TUSC3: variants seen among roughly 807,000 people sequenced by gnomAD.
The protein encoded by TUSC3 is tumor suppressor candidate 3.
TUSC3 carries 45 observed loss-of-function variants against 44.8 expected under a neutral mutation model. The observed-to-expected ratio is 1.00, with a 90% confidence interval of 0.79 to 1.29. The LOEUF (loss-of-function observed/expected upper bound fraction) is 1.29. Among genes scored for constraint, TUSC3 ranks in the 50% most tolerant of loss-of-function variants. TUSC3 has a pLI of 0.00. For synonymous variants in TUSC3, 212 were observed against 152.9 expected, an observed-to-expected ratio of 1.39 and a Z score of -2.85; for missense variants, 519 against 437.9, an observed-to-expected ratio of 1.19 and a Z score of -1.65.
chr8:15,797,119 G>A, the TUSC3 span, among the ~76,000 whole-genome samples: 1 of 152,194 alleles, frequency 6.6e-6, no homozygotes, highest in Non-Finnish European at 1.5e-5. Context: ...CTTTATCAGA[G>A]GCACAAAGTA....
intron 1 of TUSC3, among the ~76,000 whole-genome samples, chr8:15,455,612 C>A (rs1343480301): frequency 2.0e-5 from 3 of 151,938 alleles, no homozygotes; most frequent in Admixed American, 1.3e-4. Context: ...CCATTCTTAG[C>A]CTCTGGCTAT....
At chr8:15,794,053 C>T in the TUSC3 span, among the ~76,000 whole-genome samples, 2 of 152,196 alleles carry the variant, frequency 1.3e-5, no homozygotes, top group Non-Finnish European at 2.9e-5. Context: ...CTGCCATATC[C>T]TGATGCTTTT....
At chr8:15,846,667 A>G in the TUSC3 span, among the ~76,000 whole-genome samples, 1 of 152,082 alleles carries the variant, frequency 6.6e-6, no homozygotes, top group Non-Finnish European at 1.5e-5. Flanking sequence ...GGAGTTGAAC[A>G]ATGAGAACAC....
chr8:15,435,322 C>T (rs147207718), intron 1 of TUSC3, among the ~76,000 whole-genome samples: 400 of 152,236 alleles, frequency 2.6e-3, no homozygotes, highest in Non-Finnish European at 4.5e-3. Flanking sequence ...CTTTTGGCTG[C>T]ATAAATGCAA....
At chr8:15,842,286 T>G in the TUSC3 span, among the ~76,000 whole-genome samples, 1 of 152,160 alleles carries the variant, frequency 6.6e-6, no homozygotes, top group African/African-American at 2.4e-5. Context: ...GAACCTGGGT[T>G]GACTGGTCAC....
intron 1 of TUSC3, among the ~76,000 whole-genome samples, chr8:15,546,039 G>C (rs1305040836): frequency 1.3e-5 from 2 of 151,810 alleles, no homozygotes; most frequent in Non-Finnish European, 2.9e-5. Flanking sequence ...TAGGAATAAT[G>C]TGTTCCCCAG....
intron 2 of TUSC3, among the ~76,000 whole-genome samples, chr8:15,483,750 A>G (rs186563797): frequency 0.063 from 8,706 of 139,114 alleles, 274 homozygotes; most frequent in South Asian, 0.11. Context: ...CCGCCTCCCG[A>G]GTTCATGCCA....
At chr8:15,715,816 G>A (rs1450821850) in intron 6 of TUSC3, among the ~76,000 whole-genome samples, 3 of 152,024 alleles carry the variant, frequency 2.0e-5, no homozygotes, top group Non-Finnish European at 2.9e-5. Flanking sequence ...ATGATGGAAC[G>A]ATTCTCATTT....
chr8:15,713,104 A>G (rs980486479), intron 6 of TUSC3, among the ~76,000 whole-genome samples: 1 of 152,192 alleles, frequency 6.6e-6, no homozygotes, highest in East Asian at 1.9e-4. Context: ...ATAATCCACA[A>G]ATACGTTTTT....
At chr8:15,827,879 T>C in the TUSC3 span, among the ~76,000 whole-genome samples, 3 of 152,100 alleles carry the variant, frequency 2.0e-5, no homozygotes, top group African/African-American at 4.8e-5. Context: ...GGTGAATATA[T>C]GCAGGACCCA....
chr8:15,431,726 A>G (rs1463239633), intron 1 of TUSC3, among the ~76,000 whole-genome samples: 1 of 151,572 alleles, frequency 6.6e-6, no homozygotes, highest in Non-Finnish European at 1.5e-5. Context: ...AAGACTGGGC[A>G]ACTTTGTCTT....
At chr8:15,479,481 G>C (rs952870186) in intron 1 of TUSC3, among the ~76,000 whole-genome samples, 1 of 152,046 alleles carries the variant, frequency 6.6e-6, no homozygotes, top group Non-Finnish European at 1.5e-5. Context: ...GGAAGGGTTT[G>C]AGTTTCAATT....
chr8:15,672,236 A>T (rs1001739469), intron 5 of TUSC3, among the ~76,000 whole-genome samples: 2 of 152,040 alleles, frequency 1.3e-5, no homozygotes, highest in Non-Finnish European at 2.9e-5. Context: ...AATAATATTT[A>T]TTGAGCTTGT....
chr8:15,476,059 T>G (rs1261390323), intron 1 of TUSC3, among the ~76,000 whole-genome samples: 3 of 152,164 alleles, frequency 2.0e-5, no homozygotes, highest in Non-Finnish European at 4.4e-5. Context: ...TGCTCCTACT[T>G]AGAAATTTCA....
the TUSC3 span, among the ~76,000 whole-genome samples, chr8:15,840,523 T>A: frequency 6.6e-6 from 1 of 152,102 alleles, no homozygotes. Flanking sequence ...ATGAAATTAT[T>A]TTAAAATGTC....
chr8:15,739,224 A>G (rs1585287198), intron 7 of TUSC3, among the ~76,000 whole-genome samples: 1 of 152,138 alleles, frequency 6.6e-6, no homozygotes, highest in Admixed American at 6.5e-5. Flanking sequence ...TTGGACATTT[A>G]CATTTTAATT....
At chr8:15,508,189 G>T (rs1801083428) in intron 2 of TUSC3, among the ~76,000 whole-genome samples, 1 of 152,110 alleles carries the variant, frequency 6.6e-6, no homozygotes, top group African/African-American at 2.4e-5. Flanking sequence ...GCAGTGAGCC[G>T]ATTTCACGCC....
intron 2 of TUSC3, among the ~76,000 whole-genome samples, chr8:15,489,224 A>G (rs1800774708): frequency 6.6e-6 from 1 of 152,174 alleles, no homozygotes; most frequent in Non-Finnish European, 1.5e-5. Flanking sequence ...GGACAACTTG[A>G]AGTAGGGGTT....
intron 1 of TUSC3, among the ~76,000 whole-genome samples, chr8:15,446,265 C>T (rs984726511): frequency 2.0e-5 from 3 of 151,434 alleles, no homozygotes; most frequent in East Asian, 2.0e-4. Flanking sequence ...CGGGAAGAGG[C>T]GCTCCTCACT....
Sources: allele counts gnomAD v4.1 joint callset (sites outside exome capture counted in the v4.1 genomes callset), GRCh38; gene constraint gnomAD v4.1.1; transcripts MANE v1.5; gene names NCBI Gene and HGNC (gene_info 2026-07-23, HGNC 2026-07-21).